The following NALCN variants were observed in gnomAD, a reference collection of about 807,000 sequenced individuals.
NALCN encodes the protein sodium leak channel NALCN.
A neutral mutation model predicts 225.3 loss-of-function variants in NALCN; 111 were observed. The ratio of observed to expected loss-of-function variants is 0.49; its 90% CI spans 0.42 to 0.58. The LOEUF (loss-of-function observed/expected upper bound fraction) is 0.58, where lower values mean the gene tolerates loss of function less well. NALCN is among the 20% of genes least tolerant of loss of function. The pLI is 0.00. For missense variants in NALCN, 1,378 were observed against 2,202.4 expected, an observed-to-expected ratio of 0.63 and a Z score of 7.49; for synonymous variants, 764 against 769.0, an observed-to-expected ratio of 0.99 and a Z score of 0.11.
intron 13 of NALCN, among the ~76,000 whole-genome samples, chr13:101,200,500 G>A (rs1272198917): frequency 2.6e-5 from 4 of 152,256 alleles, no homozygotes; most frequent in Middle Eastern, 3.4e-3. Flanking sequence ...GATTAAGAGC[G>A]TCGGATAAAA....
chr13:101,194,987 G>C lies in NALCN; in HGVS notation c.1627-2933C>G, dbSNP rs117151731. Among the ~76,000 whole-genome samples, 1,345 of 152,290 alleles carry C rather than the reference G, an allele frequency of 8.8e-3. 12 individuals carry two copies. The highest frequency in any genetic ancestry group is 0.015 in the Non-Finnish European group (1,016 of 68,034). ...CCACTGCACTCCAGCCTGGACAACA[G>C]AGCGAGATCCTGTCTCAAAAGAAAA... On this transcript the variant is annotated intron_variant, in intron 13 of 43. Coordinates refer to ENST00000251127, the MANE Select transcript of NALCN (RefSeq NM_052867.4).
intron 11 of NALCN, among the ~76,000 whole-genome samples, chr13:101,240,918 T>C (rs2041735791): frequency 6.6e-6 from 1 of 152,258 alleles, no homozygotes; most frequent in Admixed American, 6.5e-5. Flanking sequence ...ATTTTATTTA[T>C]AATTTTCACA....
intron 15 of NALCN, among the ~76,000 whole-genome samples, chr13:101,154,349 T>C (rs2037799985): frequency 6.6e-6 from 1 of 152,198 alleles, no homozygotes; most frequent in Non-Finnish European, 1.5e-5. Context: ...TTTCAAGCAA[T>C]TGGTACACTT....
At chr13:101,103,962 C>CTT (rs879640670) in intron 25 of NALCN, among the ~76,000 whole-genome samples, 8 of 146,242 alleles carry the variant, frequency 5.5e-5, no homozygotes, top group Non-Finnish European at 1.2e-4. Flanking sequence ...ATGAGGCAAA[C>CTT]TTTTTTTTTT....
rs2139608546 is a variant in NALCN, at chr13:101,103,272, A to G, written c.2957T>C (p.Met986Thr). Residue 986 changes from methionine (M) to threonine (T), a missense_variant, in exon 26 of 44, where the codon ATG (methionine) becomes ACG (threonine). Around this residue, in one of 19 missense-constraint regions of NALCN, gnomAD observed 292 missense variants for 409.5 expected, o/e 0.71. Transcript: ENST00000251127. The stretch of plus-strand genomic sequence containing the variant: ...CAGAGGTCTCAGGCACCGAAGGACC[A>G]TTAGAAGCTGAGCTCCCGATTCAGC... ...VPAESGAQLL[M>T]VLRCLRPLRI... 3 of 1,614,042 alleles carry G rather than the reference A, an allele frequency of 1.9e-6. No homozygotes were observed. The highest frequency in any genetic ancestry group is 2.2e-5 in the East Asian group (1 of 44,878).
At chr13:101,334,184 G>GCACACA (rs58928750) in intron 7 of NALCN, among the ~76,000 whole-genome samples, 1 of 151,022 alleles carries the variant, frequency 6.6e-6, no homozygotes, top group African/African-American at 2.4e-5. Context: ...ACGCACGTGT[G>GCACACA]CACACACACA....
chr13:101,229,141 G>A (rs910122828), intron 13 of NALCN, among the ~76,000 whole-genome samples: 1 of 152,050 alleles, frequency 6.6e-6, no homozygotes, highest in Non-Finnish European at 1.5e-5. Flanking sequence ...TAGCATTCAG[G>A]TTTCAGCATC....
chr13:101,191,382 T>G (rs1267981402), intron 14 of NALCN, among the ~76,000 whole-genome samples: 1 of 152,044 alleles, frequency 6.6e-6, no homozygotes, highest in East Asian at 1.9e-4. Flanking sequence ...TCAGTTTTCT[T>G]GTGCTTTTAC....
In NALCN at chr13:101,053,805, C is replaced by G. The variant is rs1464414263; in HGVS notation, c.*1490G>C. ...TTTACAAATCCAATATTTATTTTAT[C>G]TTGTATGTACAAAAAGTAAACTCCA... is the stretch of plus-strand genomic sequence containing the variant. On this transcript the variant is annotated 3_prime_UTR_variant, in exon 44 of 44. Coordinates refer to ENST00000251127, the MANE Select transcript of NALCN (RefSeq NM_052867.4). 1 of 152,008 alleles carries G rather than the reference C, an allele frequency of 6.6e-6. No homozygotes were observed. 9.4% of individuals were successfully genotyped at this position (152,008 alleles called of 1,614,324 possible). A position where few individuals can be genotyped will look rare whatever the true frequency, so the allele number is the denominator to read the frequency against.
rs76326873 is a variant in NALCN, at chr13:101,288,569, A to G, written c.1047+3421T>C. Among the ~76,000 whole-genome samples the G allele has an allele frequency of 9.0e-3, 1,364 of 152,288 alleles. 18 individuals carry two copies. Among genetic ancestry groups the G allele is most frequent in the African/African-American group, 0.032 (1,311 of 41,544 alleles). ...ACTCAAAAGTGCCCATTCTTCCCAC[A>G]CCAGTTCTACCTTTATCAGTCTTCT... On this transcript the variant is annotated intron_variant, in intron 9 of 43. Coordinates refer to ENST00000251127, the MANE Select transcript of NALCN (RefSeq NM_052867.4).
intron 17 of NALCN, among the ~76,000 whole-genome samples, chr13:101,127,472 C>A (rs893967821): frequency 2.0e-5 from 3 of 152,186 alleles, no homozygotes; most frequent in Non-Finnish European, 4.4e-5. Flanking sequence ...AATACTCCTG[C>A]CTCAGCCTCC....
At chr13:101,305,033 G>T (rs908289567) in intron 7 of NALCN, among the ~76,000 whole-genome samples, 3 of 151,974 alleles carry the variant, frequency 2.0e-5, no homozygotes, top group Non-Finnish European at 4.4e-5. Flanking sequence ...GGGATTACAG[G>T]CATGAGCCAC....
In NALCN at chr13:101,071,250, T is replaced by A. The variant is rs190727669; in HGVS notation, c.4197+2334A>T. Among the ~76,000 whole-genome samples, 108 of 152,360 alleles carry A rather than the reference T, an allele frequency of 7.1e-4. 1 individual carries two copies. The highest frequency in any genetic ancestry group is 2.4e-3 in the African/African-American group (100 of 41,588). On this transcript the variant is annotated intron_variant, in intron 37 of 43. Transcript: ENST00000251127. ...CACTGAAAGTCACCAGCTGCATTAG[T>A]CCCTAACAACAGAGTAAGTCTGTTA...
intron 10 of NALCN, among the ~76,000 whole-genome samples, chr13:101,262,629 T>C (rs975021207): frequency 2.0e-5 from 3 of 152,214 alleles, no homozygotes; most frequent in African/African-American, 7.2e-5. Context: ...TCCTTAGCTG[T>C]GGATTTATGT....
In NALCN at chr13:101,185,716, G is replaced by A. The variant is rs114736657; in HGVS notation, c.1764+6201C>T. Among the ~76,000 whole-genome samples, 644 of 152,316 alleles carry A rather than the reference G, an allele frequency of 4.2e-3. 5 individuals are homozygous for A. The highest frequency in any genetic ancestry group is 0.014 in the African/African-American group (590 of 41,566). On this transcript the variant is annotated intron_variant, in intron 14 of 43. Coordinates refer to ENST00000251127, the MANE Select transcript of NALCN (RefSeq NM_052867.4). ...GCTGAAAATTGGTGCCCCCAGGGGTGATGAAATAGCCTGCTGTTCTTTATT... is the reference window on the plus strand; with the variant it reads ...GCTGAAAATTGGTGCCCCCAGGGGTAATGAAATAGCCTGCTGTTCTTTATT...
chr13:101,124,566 C>T lies in NALCN; in HGVS notation c.2192+42G>A, dbSNP rs537962878. ...AAAGCTATTTTTCGATTAATATAAT[C>T]CCACTTGTGTTTAAATATGTGTCAA... On this transcript the variant is annotated intron_variant, in intron 18 of 43. Transcript: ENST00000251127. 3.9e-6 allele frequency: 6 copies of T among 1,523,794 alleles called. No individual in the cohort carries two copies. In the African/African-American group the frequency reaches 6.9e-5, roughly 18 times the overall value. 94.4% of individuals were successfully genotyped at this position (1,523,794 alleles called of 1,614,324 possible).
chr13:101,074,712 G>C (rs879043721), intron 35 of NALCN, 50 bp from the exon 36 acceptor site: 9 of 1,297,712 alleles, frequency 6.9e-6, no homozygotes, highest in African/African-American at 3.6e-5. Flanking sequence ...GAGAGAGAGA[G>C]ACAGAGACAG....
intron 33 of NALCN, among the ~76,000 whole-genome samples, chr13:101,082,475 T>G (rs1007046397): frequency 1.3e-5 from 2 of 152,206 alleles, no homozygotes; most frequent in Non-Finnish European, 2.9e-5. Flanking sequence ...TAACCTTGTC[T>G]GGGCCAACTT....
At chr13:101,355,067 C>T (rs1310185535) in intron 6 of NALCN, among the ~76,000 whole-genome samples, 5 of 151,220 alleles carry the variant, frequency 3.3e-5, no homozygotes, top group African/African-American at 1.2e-4. Context: ...CTCCCCTCCA[C>T]TATCTCTCTC....
Sources: allele counts gnomAD v4.1 joint callset (sites outside exome capture counted in the v4.1 genomes callset), GRCh38; gene constraint gnomAD v4.1.1; regional missense constraint gnomAD v4.1.1; transcripts MANE v1.5; gene names NCBI Gene and HGNC (gene_info 2026-07-23, HGNC 2026-07-21).